Variants in PPP2R3A observed in about 807,000 individuals in gnomAD.
The protein encoded by PPP2R3A is serine/threonine-protein phosphatase 2A regulatory subunit B'' subunit alpha.
A neutral mutation model predicts 106.9 loss-of-function variants in PPP2R3A; 80 were observed. That is an observed-to-expected ratio of 0.75 (90% CI 0.62 to 0.90). PPP2R3A has a LOEUF of 0.90. Among genes scored for constraint, PPP2R3A ranks in the 40% least tolerant of loss-of-function variants. PPP2R3A has a pLI of 0.00. For missense variants in PPP2R3A, 1,386 were observed against 1,350.4 expected, an observed-to-expected ratio of 1.03 and a Z score of -0.41; for synonymous variants, 483 against 468.3, an observed-to-expected ratio of 1.03 and a Z score of -0.41.
chr3:136,084,579 T>G (rs1489393059), intron 8 of PPP2R3A, among the ~76,000 whole-genome samples: 1 of 152,096 alleles, frequency 6.6e-6, no homozygotes, highest in Non-Finnish European at 1.5e-5. Context: ...GCCACAATGC[T>G]CCAGGCCCCA....
chr3:136,030,041 A>G (rs960893603), intron 3 of PPP2R3A, among the ~76,000 whole-genome samples: 19 of 152,128 alleles, frequency 1.2e-4, no homozygotes, highest in Admixed American at 4.6e-4. Flanking sequence ...GTGAGACCCC[A>G]TCTCTACAGA....
At chr3:136,066,656 T>G (rs1936269776) in intron 5 of PPP2R3A, among the ~76,000 whole-genome samples, 1 of 152,108 alleles carries the variant, frequency 6.6e-6, no homozygotes, top group African/African-American at 2.4e-5. Flanking sequence ...AGCATCTCAC[T>G]TGGCGAGAGC....
chr3:136,040,721 C>G (rs899666726), intron 3 of PPP2R3A, 138 bp from the exon 4 acceptor site: 3 of 530,658 alleles, frequency 5.7e-6, no homozygotes, highest in Non-Finnish European at 9.7e-6. Context: ...ATATATTTTC[C>G]TATGCTCCAG....
At chr3:136,060,918 T>C (rs1216152882) in intron 5 of PPP2R3A, among the ~76,000 whole-genome samples, 1 of 152,186 alleles carries the variant, frequency 6.6e-6, no homozygotes, top group Non-Finnish European at 1.5e-5. Context: ...AATGAGGTAA[T>C]ACATATGTTA....
chr3:136,125,372 G>A (rs1317882988), intron 13 of PPP2R3A, among the ~76,000 whole-genome samples: 1 of 152,090 alleles, frequency 6.6e-6, no homozygotes, highest in Non-Finnish European at 1.5e-5. Flanking sequence ...TGACTTCACT[G>A]ATTAATTCTG....
rs543467207 is a variant in PPP2R3A, at chr3:136,140,882, G to C, written c.3330-4161G>C. Among the ~76,000 whole-genome samples, 84 of 152,268 alleles carry C rather than the reference G, an allele frequency of 5.5e-4. 1 individual carries two copies. Among genetic ancestry groups the C allele is most frequent in the African/African-American group, 1.4e-3 (60 of 41,530 alleles). ...CCGAGATCACGCCGTTGCCCTCCTGGGCGACAGAGCGAGACTCTGTCTCAA... is the reference window on the plus strand; with the variant it reads ...CCGAGATCACGCCGTTGCCCTCCTGCGCGACAGAGCGAGACTCTGTCTCAA... On this transcript the variant is annotated intron_variant, in intron 13 of 13. Transcript: ENST00000264977.
chr3:136,141,359 T>C (rs563368052), intron 13 of PPP2R3A, among the ~76,000 whole-genome samples: 2 of 152,304 alleles, frequency 1.3e-5, no homozygotes, highest in Admixed American at 6.5e-5. Context: ...AAGCCTAGTA[T>C]GGCCAGAATA....
At chr3:135,986,695 G>A (rs1487973853) in intron 1 of PPP2R3A, among the ~76,000 whole-genome samples, 1 of 152,066 alleles carries the variant, frequency 6.6e-6, no homozygotes, top group East Asian at 1.9e-4. Flanking sequence ...ACCCGCAGTA[G>A]TATCCATATA....
chr3:135,985,426 C>T (rs1279997664), intron 1 of PPP2R3A, among the ~76,000 whole-genome samples: 1 of 151,548 alleles, frequency 6.6e-6, no homozygotes. Flanking sequence ...CTCTGTCTCT[C>T]TCTCTCCCTC....
intron 13 of PPP2R3A, among the ~76,000 whole-genome samples, chr3:136,128,876 G>A (rs899772868): frequency 6.6e-5 from 10 of 152,156 alleles, no homozygotes; most frequent in South Asian, 4.2e-4. Flanking sequence ...ACTCAAAACC[G>A]CTCAACTACA....
chr3:136,056,027 C>G (rs1234092695), intron 5 of PPP2R3A, among the ~76,000 whole-genome samples: 1 of 152,132 alleles, frequency 6.6e-6, no homozygotes, highest in Admixed American at 6.5e-5. Flanking sequence ...TAGTATGTAC[C>G]TTTGGCAAGA....
At chr3:136,000,097 T>C (rs1183425588) in intron 1 of PPP2R3A, among the ~76,000 whole-genome samples, 1 of 152,210 alleles carries the variant, frequency 6.6e-6, no homozygotes, top group Non-Finnish European at 1.5e-5. Flanking sequence ...CTTTCAGGTC[T>C]CTGCTTTTCA....
intron 13 of PPP2R3A, among the ~76,000 whole-genome samples, chr3:136,132,010 CAG>C (rs1373346100): frequency 2.3e-4 from 13 of 56,058 alleles, no homozygotes; most frequent in Non-Finnish European, 2.9e-4. Context: ...CAGGGCCTGT[CAG>C]GGGGTGGGGG....
intron 1 of PPP2R3A, among the ~76,000 whole-genome samples, chr3:135,996,455 C>G (rs1461303760): frequency 6.6e-6 from 1 of 152,170 alleles, no homozygotes; most frequent in Non-Finnish European, 1.5e-5. Flanking sequence ...TTCTACATCT[C>G]AAATGATTTA....
intron 2 of PPP2R3A, among the ~76,000 whole-genome samples, chr3:136,019,323 C>T (rs1166809228): frequency 6.6e-6 from 1 of 152,182 alleles, no homozygotes; most frequent in Non-Finnish European, 1.5e-5. Context: ...TCCTAATTTT[C>T]CACGTGCTCA....
intron 11 of PPP2R3A, 74 bp downstream of exon 11, chr3:136,102,256 TA>T: frequency 6.8e-7 from 1 of 1,474,942 alleles, no homozygotes; most frequent in East Asian, 2.3e-5. Flanking sequence ...TAGATTGTCC[TA>T]AATTATTTAA....
chr3:135,980,729 G>A (rs1466321675), intron 1 of PPP2R3A, among the ~76,000 whole-genome samples: 1 of 151,890 alleles, frequency 6.6e-6, no homozygotes, highest in Admixed American at 6.5e-5. Context: ...TCATGATAAA[G>A]CCTGTTTAGG....
chr3:136,145,213 T>C lies in PPP2R3A; in HGVS notation c.*47T>C. 6.4e-7 allele frequency: 1 copy of C among 1,568,810 alleles called. No individual in the cohort carries two copies. Among genetic ancestry groups the C allele is most frequent in the Non-Finnish European group, 8.6e-7 (1 of 1,160,386 alleles). The stretch of plus-strand genomic sequence containing the variant: ...CGAAGATGTGTATTTTAAATGTTTC[T>C]TTCTTGTGAAGAGATGTTCTCGTTT... On this transcript the variant is annotated 3_prime_UTR_variant, in exon 14 of 14. Coordinates refer to ENST00000264977, the MANE Select transcript of PPP2R3A (RefSeq NM_002718.5).
intron 3 of PPP2R3A, among the ~76,000 whole-genome samples, chr3:136,038,655 C>G (rs1443042370): frequency 6.6e-6 from 1 of 152,170 alleles, no homozygotes; most frequent in African/African-American, 2.4e-5. Context: ...TCCATTCACC[C>G]TGCCTCCATG....
Sources: gnomAD v4.1 joint callset for allele counts (sites outside exome capture counted in the v4.1 genomes callset) on GRCh38, gnomAD v4.1.1 for gene constraint, MANE v1.5 for transcripts, NCBI Gene and HGNC (gene_info 2026-07-23, HGNC 2026-07-21) for gene names.